Variants in SOX5 observed in about 807,000 individuals in gnomAD.
SOX5 encodes SRY-box transcription factor 5.
In SOX5, 9 loss-of-function variants were observed where a neutral mutation model predicts 92.0. The ratio of observed to expected loss-of-function variants is 0.10; its 90% CI spans 0.06 to 0.17. The LOEUF is 0.17. Ranked by LOEUF, SOX5 falls within the 10% of genes least tolerant of loss-of-function variation. SOX5 has a pLI of 1.00. For missense variants in SOX5, 642 were observed against 944.5 expected, an observed-to-expected ratio of 0.68 and a Z score of 4.20; for synonymous variants, 344 against 336.3, an observed-to-expected ratio of 1.02 and a Z score of -0.25.
intron 4 of SOX5, among the ~76,000 whole-genome samples, chr12:24,097,825 T>C (rs559847884): frequency 2.6e-5 from 4 of 152,298 alleles, no homozygotes; most frequent in South Asian, 4.1e-4. Context: ...AGTTTTATCC[T>C]ACAGTATCTC....
chr12:24,451,370 C>A (rs1942276895), intron 1 of SOX5, among the ~76,000 whole-genome samples: 1 of 152,158 alleles, frequency 6.6e-6, no homozygotes, highest in Non-Finnish European at 1.5e-5. Context: ...TGAGAAACCT[C>A]CAAACAGTTC....
At chr12:23,690,449 T>C (rs776528265) in intron 6 of SOX5, among the ~76,000 whole-genome samples, 4 of 152,184 alleles carry the variant, frequency 2.6e-5, no homozygotes, top group Non-Finnish European at 5.9e-5. Flanking sequence ...TACAAAGACA[T>C]GGTCTAATCA....
intron 4 of SOX5, among the ~76,000 whole-genome samples, chr12:24,056,940 A>C (rs1364011503): frequency 6.8e-5 from 9 of 131,388 alleles, no homozygotes; most frequent in Admixed American, 6.5e-4. Flanking sequence ...CCGCCACTGC[A>C]CTCCAGCCTG....
intron 1 of SOX5, among the ~76,000 whole-genome samples, chr12:23,932,949 T>G (rs181701010): frequency 6.6e-6 from 1 of 151,758 alleles, no homozygotes; most frequent in African/African-American, 2.4e-5. Context: ...ATTCTCATAT[T>G]GATAAAATGA....
intron 12 of SOX5, among the ~76,000 whole-genome samples, chr12:23,543,826 A>G (rs1439622918): frequency 6.6e-6 from 1 of 152,206 alleles, no homozygotes; most frequent in Non-Finnish European, 1.5e-5. Context: ...GACTGTCTGA[A>G]CATATAGTAC....
At chr12:24,093,018 A>C (rs1265112018) in intron 4 of SOX5, among the ~76,000 whole-genome samples, 1 of 152,058 alleles carries the variant, frequency 6.6e-6, no homozygotes, top group Non-Finnish European at 1.5e-5. Flanking sequence ...ATCTTAAAAA[A>C]TCATGAGCTA....
chr12:24,146,540 C>T (rs1443260457), intron 4 of SOX5, among the ~76,000 whole-genome samples: 6 of 151,850 alleles, frequency 4.0e-5, no homozygotes, highest in African/African-American at 1.5e-4. Context: ...AAAAATGTCT[C>T]AAACCCATGA....
chr12:23,969,006 A>G (rs1253956495), intron 4 of SOX5, among the ~76,000 whole-genome samples: 2 of 152,170 alleles, frequency 1.3e-5, no homozygotes, highest in Non-Finnish European at 2.9e-5. Context: ...ATCAAACTCA[A>G]CACGTCCCCA....
chr12:24,473,601 T>G (rs1206925201), intron 1 of SOX5, among the ~76,000 whole-genome samples: 14 of 152,232 alleles, frequency 9.2e-5, no homozygotes, highest in Non-Finnish European at 2.1e-4. Context: ...TTTTAGGTTT[T>G]TTTGCTCCAG....
chr12:23,584,030 A>G (rs965575428), intron 9 of SOX5, among the ~76,000 whole-genome samples: 1 of 152,144 alleles, frequency 6.6e-6, no homozygotes, highest in Admixed American at 6.6e-5. Context: ...TATCATCTCT[A>G]TGTTGGAAAT....
chr12:24,465,019 C>T (rs10842354), intron 1 of SOX5, among the ~76,000 whole-genome samples: 48,240 of 152,058 alleles, frequency 0.32, 7,711 homozygotes, highest in Middle Eastern at 0.36. Flanking sequence ...TAGTGCTCAT[C>T]GGGATGATGA....
intron 4 of SOX5, among the ~76,000 whole-genome samples, chr12:24,150,460 A>G (rs1951541668): frequency 6.6e-6 from 1 of 152,148 alleles, no homozygotes; most frequent in Non-Finnish European, 1.5e-5. Flanking sequence ...GTTGTAATAG[A>G]TGAGTTTATG....
At chr12:24,320,625 G>C (rs1950117591) in intron 2 of SOX5, among the ~76,000 whole-genome samples, 1 of 152,062 alleles carries the variant, frequency 6.6e-6, no homozygotes, top group African/African-American at 2.4e-5. Flanking sequence ...CAGCACTTTG[G>C]GAGGCCGAGG....
At chr12:23,607,226 AT>A (rs2075356714) in intron 8 of SOX5, among the ~76,000 whole-genome samples, 1 of 152,226 alleles carries the variant, frequency 6.6e-6, no homozygotes, top group African/African-American at 2.4e-5. Flanking sequence ...GGAAATATCT[AT>A]TTCAACACAT....
intron 1 of SOX5, among the ~76,000 whole-genome samples, chr12:24,403,908 C>T (rs565360956): frequency 7.2e-5 from 11 of 151,766 alleles, no homozygotes; most frequent in Non-Finnish European, 1.5e-4. Flanking sequence ...AAGAATTTTG[C>T]CATCTGGAAT....
chr12:24,231,016 A>T (rs2139936533), intron 3 of SOX5, among the ~76,000 whole-genome samples: 1 of 152,334 alleles, frequency 6.6e-6, no homozygotes, highest in South Asian at 2.1e-4. Context: ...GAAGAATTCA[A>T]ATCAGGAAAT....
At chr12:24,175,154 T>G (rs1954666635) in intron 4 of SOX5, among the ~76,000 whole-genome samples, 1 of 152,158 alleles carries the variant, frequency 6.6e-6, no homozygotes, top group South Asian at 2.1e-4. Flanking sequence ...AAGTTAAATA[T>G]TCCTTCGCTT....
chr12:24,340,351 A>G (rs1427474848), intron 2 of SOX5, among the ~76,000 whole-genome samples: 1 of 152,268 alleles, frequency 6.6e-6, no homozygotes, highest in Admixed American at 6.5e-5. Flanking sequence ...ATAACTCAAC[A>G]TGACAATAGT....
chr12:23,646,809 A>C (rs958223380), intron 7 of SOX5, among the ~76,000 whole-genome samples: 1 of 152,134 alleles, frequency 6.6e-6, no homozygotes, highest in Non-Finnish European at 1.5e-5. Context: ...TTCAAGCTCC[A>C]TTTCTAATTC....
Sources: allele counts gnomAD v4.1 joint callset (sites outside exome capture counted in the v4.1 genomes callset), GRCh38; gene constraint gnomAD v4.1.1; transcripts MANE v1.5; gene names NCBI Gene and HGNC (gene_info 2026-07-23, HGNC 2026-07-21).